Variants in JPT1 observed in about 807,000 individuals in gnomAD.
JPT1 encodes the protein androgen-regulated protein 2.
JPT1 carries 5 observed loss-of-function variants against 17.0 expected under a neutral mutation model. The observed-to-expected ratio is 0.29, with a 90% CI of 0.15 to 0.62. The LOEUF (loss-of-function observed/expected upper bound fraction) is 0.62, where lower values mean the gene tolerates loss of function less well. JPT1 is among the 20% of genes least tolerant of loss of function. The pLI is 0.85. For synonymous variants in JPT1, 71 were observed against 73.6 expected (o/e 0.96, Z 0.18); for missense variants, 158 against 188.1 (o/e 0.84, Z 0.94).
At chr17:75,140,138 G>A (rs1401085747) in intron 4 of JPT1, among the ~76,000 whole-genome samples, 2 of 151,966 alleles carry the variant, frequency 1.3e-5, no homozygotes, top group Non-Finnish European at 2.9e-5. Flanking sequence ...GGATGGTCTT[G>A]ATCTCTTGAC....
chr17:75,143,472 T>C (rs896479836), intron 4 of JPT1, among the ~76,000 whole-genome samples: 2 of 151,992 alleles, frequency 1.3e-5, no homozygotes, highest in African/African-American at 4.8e-5. Flanking sequence ...GGCAGGAGAA[T>C]TGCTTGAACC....
intron 1 of JPT1, 139 bp from the exon 2 acceptor site, chr17:75,148,810 AAAG>A (rs2074489297): frequency 9.4e-7 from 1 of 1,058,244 alleles, no homozygotes; most frequent in Admixed American, 2.7e-5. Context: ...TAACAGGAAA[AAAG>A]AATCAACTCC....
At chr17:75,154,256 C>G in intron 1 of JPT1, 86 bp downstream of exon 1, 1 of 1,124,850 alleles carries the variant, frequency 8.9e-7, no homozygotes, top group East Asian at 3.4e-5. Context: ...GCTCGTTACC[C>G]GCAACGACCG....
At chr17:75,153,899 G>C (rs187951825) in intron 1 of JPT1, 8 of 152,726 alleles carry the variant, frequency 5.2e-5, no homozygotes, top group African/African-American at 1.7e-4. Flanking sequence ...ACGGGGGAGA[G>C]ACAGGAGCGC....
intron 1 of JPT1, among the ~76,000 whole-genome samples, chr17:75,152,277 C>T (rs934785780): frequency 6.6e-6 from 1 of 152,174 alleles, no homozygotes; most frequent in Non-Finnish European, 1.5e-5. Context: ...TGTCCATGTA[C>T]TGTAAATAGC....
At chr17:75,139,391 A>C (rs2074266632) in intron 4 of JPT1, among the ~76,000 whole-genome samples, 1 of 152,178 alleles carries the variant, frequency 6.6e-6, no homozygotes, top group African/African-American at 2.4e-5. Context: ...GCTCAATACT[A>C]CTAATCTTAT....
At chr17:75,153,743 A>T (rs2074589701) in intron 1 of JPT1, 1 of 152,272 alleles carries the variant, frequency 6.6e-6, no homozygotes. Flanking sequence ...GGTCGCGATG[A>T]CCAGCCCCGC....
intron 4 of JPT1, among the ~76,000 whole-genome samples, chr17:75,136,729 A>G (rs1303462806): frequency 6.6e-6 from 1 of 152,142 alleles, no homozygotes; most frequent in African/African-American, 2.4e-5. Flanking sequence ...TGACCTTGTG[A>G]TCCACCTGCC....
intron 3 of JPT1, 67 bp from the exon 4 acceptor site, chr17:75,146,751 G>T (rs577029248): frequency 1.0e-6 from 1 of 953,882 alleles, no homozygotes; most frequent in East Asian, 2.6e-5. Context: ...AACAGTCATA[G>T]TTCATAGCAG....
intron 4 of JPT1, among the ~76,000 whole-genome samples, chr17:75,143,887 AAAAGGGGC>A (rs2074374146): frequency 6.6e-6 from 1 of 152,020 alleles, no homozygotes; most frequent in Non-Finnish European, 1.5e-5. Context: ...AGAAAAACCC[AAAAGGGGC>A]TGGGCACAGT....
chr17:75,150,577 A>G (rs1217974045), intron 1 of JPT1, among the ~76,000 whole-genome samples: 2 of 151,634 alleles, frequency 1.3e-5, no homozygotes, highest in Non-Finnish European at 1.5e-5. Flanking sequence ...TAGTAAAGAC[A>G]GGGTTTCACC....
In JPT1 at chr17:75,154,385, T is replaced by C; in HGVS notation, c.13A>G (p.Thr5Ala). 6.5e-7 allele frequency: 1 copy of C among 1,548,890 alleles called. No individual in the cohort carries two copies. The highest frequency in any genetic ancestry group is 8.7e-7 in the Non-Finnish European group (1 of 1,146,014). The change falls in exon 1 of 5, where the codon ACC (threonine) becomes GCC (alanine). Residue 5 changes from threonine (T) to alanine (A), a missense_variant. Transcript: ENST00000409753. MTTTTTFKGVDPNSR... is the reference protein window; with the variant it reads MTTTATFKGVDPNSR... Reference sequence around the variant, plus strand: ...TTGGGGTCGACTCCCTTGAAGGTGGTGGTTGTGGTCATGGCGCCGAGGAGC... The same window carrying C: ...TTGGGGTCGACTCCCTTGAAGGTGGCGGTTGTGGTCATGGCGCCGAGGAGC...
At chr17:75,147,142 C>T (rs1307525886) in intron 3 of JPT1, among the ~76,000 whole-genome samples, 1 of 151,408 alleles carries the variant, frequency 6.6e-6, no homozygotes, top group Non-Finnish European at 1.5e-5. Flanking sequence ...CTTAGTCGGG[C>T]GGGGTCTTTC....
rs183085490 is a variant in JPT1, at chr17:75,135,537, T to A, written c.*565A>T. On this transcript the variant is annotated 3_prime_UTR_variant, in exon 5 of 5. Coordinates refer to ENST00000409753, the MANE Select transcript of JPT1 (RefSeq NM_016185.4). Reference sequence around the variant, plus strand: ...CTCATCAGCCAGCCAGTCTTGTTACTATCTGGCTACTTTTTAAGGTTAAAA... The same window carrying A: ...CTCATCAGCCAGCCAGTCTTGTTACAATCTGGCTACTTTTTAAGGTTAAAA... The A allele has an allele frequency of 3.9e-3, 597 of 152,906 alleles. 2 individuals are homozygous for A. Among genetic ancestry groups the A allele is most frequent in the Middle Eastern group, 6.8e-3 (2 of 294 alleles). 9.5% of individuals were successfully genotyped at this position (152,906 alleles called of 1,614,324 possible).
intron 1 of JPT1, among the ~76,000 whole-genome samples, chr17:75,150,859 T>C (rs1235953881): frequency 2.1e-5 from 3 of 140,194 alleles, no homozygotes; most frequent in African/African-American, 7.7e-5. Context: ...TTTTTTTTTT[T>C]TTTTTTTTTT....
intron 1 of JPT1, among the ~76,000 whole-genome samples, chr17:75,150,264 T>A (rs1185362342): frequency 1.3e-5 from 2 of 152,060 alleles, no homozygotes; most frequent in East Asian, 3.9e-4. Flanking sequence ...TTTTCTTTTT[T>A]TTTTTTGAGG....
At chr17:75,137,392 T>C (rs2074219950) in intron 4 of JPT1, among the ~76,000 whole-genome samples, 1 of 151,950 alleles carries the variant, frequency 6.6e-6, no homozygotes, top group Non-Finnish European at 1.5e-5. Context: ...GGTCTCACTC[T>C]GTGGCCCAGG....
At chr17:75,151,817 A>T (rs1426715558) in intron 1 of JPT1, among the ~76,000 whole-genome samples, 1 of 152,002 alleles carries the variant, frequency 6.6e-6, no homozygotes, top group Non-Finnish European at 1.5e-5. Context: ...TAAAAATATA[A>T]AATTAGCCAG....
intron 4 of JPT1, 79 bp from the exon 5 acceptor site, chr17:75,136,329 C>T (rs879165143): frequency 3.2e-6 from 4 of 1,257,358 alleles, no homozygotes; most frequent in Admixed American, 5.5e-5. Flanking sequence ...TTCTCTTTTT[C>T]TTTTTTTTTT....
Sources: allele counts gnomAD v4.1 joint callset (sites outside exome capture counted in the v4.1 genomes callset), GRCh38; gene constraint gnomAD v4.1.1; transcripts MANE v1.5; gene names NCBI Gene and HGNC (gene_info 2026-07-23, HGNC 2026-07-21).